Variants in NFASC observed in about 807,000 individuals in gnomAD.
NFASC encodes the protein neurofascin homolog.
NFASC carries 43 observed loss-of-function variants against 147.5 expected under a neutral mutation model. The ratio of observed to expected loss-of-function variants is 0.29; its 90% CI spans 0.23 to 0.38. NFASC has a LOEUF of 0.38. Ranked by LOEUF, NFASC falls within the 10% of genes least tolerant of loss-of-function variation. The pLI is 1.00. For synonymous variants in NFASC, 622 were observed against 665.5 expected, an observed-to-expected ratio of 0.93 and a Z score of 1.01; for missense variants, 1,320 against 1,689.0, an observed-to-expected ratio of 0.78 and a Z score of 3.83.
chr1:204,979,145 T>G lies in NFASC; in HGVS notation c.1978+76T>G. 7.8e-7 allele frequency: 1 copy of G among 1,289,008 alleles called. No homozygotes were observed. Among genetic ancestry groups the G allele is most frequent in the Non-Finnish European group, 1.1e-6 (1 of 920,892 alleles). 79.8% of individuals were successfully genotyped at this position (1,289,008 alleles called of 1,614,324 possible). ...CTTAAACCGAAGGCCTTTCCTGGTT[T>G]CCAGCCCCACTTCTGCCTCGCTTGA... On this transcript the variant is annotated intron_variant, in intron 18 of 29. Coordinates refer to ENST00000339876, the MANE Select transcript of NFASC (RefSeq NM_001005388.3). This position sits in a 1 kb window ranked among gnomAD's most constrained non-coding sequence, Gnocchi z 6.0.
chr1:204,896,289 G>A (rs533361377), intron 1 of NFASC, among the ~76,000 whole-genome samples: 2 of 152,288 alleles, frequency 1.3e-5, no homozygotes, highest in South Asian at 2.1e-4. Context: ...GCATTTAGAC[G>A]GGTCTAGAAT....
At chr1:204,866,000 T>G (rs756291103) in intron 1 of NFASC, among the ~76,000 whole-genome samples, 4 of 152,228 alleles carry the variant, frequency 2.6e-5, no homozygotes, top group Non-Finnish European at 5.9e-5. Flanking sequence ...TTTGTAAAAT[T>G]TAACCTTTCT....
intron 2 of NFASC, among the ~76,000 whole-genome samples, chr1:204,922,157 T>C (rs2090621175): frequency 1.3e-5 from 2 of 152,166 alleles, no homozygotes. Flanking sequence ...GGGTAGTTAA[T>C]GCAGCTCTGT....
chr1:204,960,482 C>T (rs2094610146), intron 8 of NFASC, among the ~76,000 whole-genome samples: 1 of 152,196 alleles, frequency 6.6e-6, no homozygotes. Context: ...CAGGGCACAC[C>T]CCTTCTTCCT....
At position 204,905,839 on chromosome 1, in the gene NFASC, T is replaced by TA. The variant is rs147698514; in HGVS notation, c.-199-14792dup. On this transcript the variant is annotated intron_variant, in intron 1 of 29. Coordinates refer to ENST00000339876, the MANE Select transcript of NFASC (RefSeq NM_001005388.3). ...TGTGAATGTTCAACATTAGAGGTGA[T>TA]ACAAAACTTTTCGCAAAGTGGTTGC... 1.4e-3 allele frequency among the ~76,000 whole-genome samples: 216 copies of TA among 152,348 alleles called. 3 individuals are homozygous for TA. In the East Asian group the frequency reaches 0.039, roughly 28 times the overall value.
intron 1 of NFASC, among the ~76,000 whole-genome samples, chr1:204,902,905 G>GAGGT (rs2084966094): frequency 6.6e-6 from 1 of 152,224 alleles, no homozygotes; most frequent in African/African-American, 2.4e-5. Context: ...AGACGGCAGG[G>GAGGT]AGGTATGTGT....
intron 25 of NFASC, chr1:204,999,613 A>C (rs1227238369): frequency 6.6e-6 from 1 of 152,058 alleles, no homozygotes; most frequent in Admixed American, 6.5e-5. Flanking sequence ...AAAGAAGCCT[A>C]CCTTCTCCCC....
At chr1:204,946,499 TC>T in intron 3 of NFASC, 2 of 410,024 alleles carry the variant, frequency 4.9e-6, no homozygotes, top group Non-Finnish European at 1.0e-5. Context: ...ACATGGCACC[TC>T]CCCGGTTGCT....
chr1:204,913,442 A>G (rs1462026905), intron 1 of NFASC, among the ~76,000 whole-genome samples: 1 of 152,250 alleles, frequency 6.6e-6, no homozygotes, highest in Admixed American at 6.5e-5. Flanking sequence ...TTAATACGGT[A>G]TGATACTAGC....
chr1:204,909,587 A>T (rs1360386636), intron 1 of NFASC, among the ~76,000 whole-genome samples: 1 of 152,200 alleles, frequency 6.6e-6, no homozygotes. Context: ...GTTTATCCAT[A>T]AATTGTTCCT....
At chr1:205,013,063 TGA>T in intron 29 of NFASC, among the ~76,000 whole-genome samples, 197 bp downstream of exon 29, 1 of 152,368 alleles carries the variant, frequency 6.6e-6, no homozygotes, top group East Asian at 1.9e-4. Flanking sequence ...CTTCTCATCC[TGA>T]GAGTGCCAGA....
rs1398572122 is a variant in NFASC at position 204,997,216 on chromosome 1, G to T, written c.2829G>T (p.Val943=). 6 of 1,613,798 alleles carry T rather than the reference G, an allele frequency of 3.7e-6. No individual in the cohort carries two copies. The highest frequency in any genetic ancestry group is 1.1e-5 in the South Asian group (1 of 91,062). ...CTACCGTGGGTGCGACGGGCGCTGT[G>T]AGCAGTACCGATGCTACTGCCATTG... The part of the protein sequence containing the change: ...PPTTVGATGA[V]SSTDATAIAA... Residue 943 remains valine, a synonymous_variant, in exon 25 of 30, where the codon GTG becomes GTT. Coordinates refer to ENST00000339876, the MANE Select transcript of NFASC (RefSeq NM_001005388.3).
intron 1 of NFASC, among the ~76,000 whole-genome samples, chr1:204,833,139 A>G (rs1334748306): frequency 1.3e-5 from 2 of 152,166 alleles, no homozygotes; most frequent in Non-Finnish European, 2.9e-5. Context: ...CCCTTTTTTC[A>G]TTAGGTCTTG....
At chr1:205,012,774 CTT>C (rs769651845) in intron 28 of NFASC, 21 bp from the exon 29 acceptor site, 1 of 1,588,350 alleles carries the variant, frequency 6.3e-7, no homozygotes, top group East Asian at 2.2e-5. Context: ...GTGTCTGTGT[CTT>C]TGCTTCTCCT....
chr1:204,987,580 A>C lies in NFASC; in HGVS notation c.2593+40A>C. The C allele has an allele frequency of 6.2e-7, 1 of 1,611,350 alleles. No homozygotes were observed. Among genetic ancestry groups the C allele is most frequent in the Non-Finnish European group, 8.5e-7 (1 of 1,177,914 alleles). On this transcript the variant is annotated intron_variant, in intron 22 of 29. Coordinates refer to ENST00000339876, the MANE Select transcript of NFASC (RefSeq NM_001005388.3). The surrounding 1 kb of genome is among the most constrained non-coding windows in gnomAD (Gnocchi z 4.4). ...TCCCTTTCTCTTAGATAATCTGGGA[A>C]CCAGAAACCCCATTCTCACCACTTT...
In NFASC at chr1:205,017,267, GGTGT is replaced by G; in HGVS notation, c.*731_*734del. The G allele has an allele frequency of 6.3e-6, 1 of 159,490 alleles. No homozygotes were observed. The highest frequency in any genetic ancestry group is 5.8e-5 in the Admixed American group (1 of 17,144). The allele number at this position is 159,490 out of a possible 1,614,324, so 9.9% of individuals were successfully genotyped here. On this transcript the variant is annotated 3_prime_UTR_variant, in exon 30 of 30. Coordinates refer to ENST00000339876, the MANE Select transcript of NFASC (RefSeq NM_001005388.3). ...TTGCTGCTCTCTGGTTTGGTTGGGAGGTGTGTTTACCTCTTGCTCCTCATTCCTC... is the reference window on the plus strand; with the variant it reads ...TTGCTGCTCTCTGGTTTGGTTGGGAGGTTTACCTCTTGCTCCTCATTCCTC...
chr1:204,844,418 CA>C (rs1192382004), intron 1 of NFASC, among the ~76,000 whole-genome samples: 1 of 152,180 alleles, frequency 6.6e-6, no homozygotes, highest in Non-Finnish European at 1.5e-5. Context: ...CTTTGGTGAG[CA>C]ACCATAAAAT....
chr1:204,950,773 G>A (rs2094050835), intron 4 of NFASC, among the ~76,000 whole-genome samples, 199 bp downstream of exon 4: 1 of 152,146 alleles, frequency 6.6e-6, no homozygotes, highest in Non-Finnish European at 1.5e-5. Context: ...AGACAGAAGG[G>A]CACGTGGTAA....
At chr1:204,889,703 T>C (rs1490990095) in intron 1 of NFASC, among the ~76,000 whole-genome samples, 1 of 152,176 alleles carries the variant, frequency 6.6e-6, no homozygotes, top group Non-Finnish European at 1.5e-5. Context: ...CTTGTTTCCT[T>C]TCCTCAATTA....
Sources: gnomAD v4.1 joint callset for allele counts (sites outside exome capture counted in the v4.1 genomes callset) on GRCh38, gnomAD v4.1.1 for gene constraint, Gnocchi (gnomAD v3.1) non-coding constraint, MANE v1.5 for transcripts, NCBI Gene and HGNC (gene_info 2026-07-23, HGNC 2026-07-21) for gene names.